The following FBXL13 variants were observed in gnomAD, a reference collection of about 807,000 sequenced individuals.
FBXL13 encodes the protein F-box and leucine-rich repeat protein 13.
FBXL13 carries 67 observed loss-of-function variants against 83.6 expected under a neutral mutation model. The ratio of observed to expected loss-of-function variants is 0.80; its 90% confidence interval spans 0.66 to 0.98. FBXL13 has a LOEUF of 0.98. Among genes scored for constraint, FBXL13 ranks in the 50% least tolerant of loss-of-function variants. FBXL13 has a pLI of 0.00. For missense variants in FBXL13, 822 were observed against 866.5 expected (o/e 0.95, Z 0.64); for synonymous variants, 272 against 299.5 (o/e 0.91, Z 0.95).
intron 8 of FBXL13, among the ~76,000 whole-genome samples, chr7:102,941,423 C>T (rs1022352474): frequency 2.6e-5 from 4 of 152,124 alleles, no homozygotes; most frequent in Non-Finnish European, 5.9e-5. Flanking sequence ...TCCCAAGCCC[C>T]TACCTAGCAA....
intron 1 of FBXL13, among the ~76,000 whole-genome samples, chr7:103,056,059 T>G (rs116692055): frequency 0.019 from 2,922 of 152,270 alleles, 97 homozygotes; most frequent in African/African-American, 0.065. Context: ...TGTCTTTGCA[T>G]CCTCATAGTT....
At chr7:102,974,963 T>C (rs1827251974) in intron 6 of FBXL13, among the ~76,000 whole-genome samples, 1 of 152,136 alleles carries the variant, frequency 6.6e-6, no homozygotes, top group Non-Finnish European at 1.5e-5. Flanking sequence ...CCTTCCTCAC[T>C]GCCCTCTCCT....
rs58307950 is a variant in FBXL13, at chr7:102,826,724, CATATATATATATATATATATATATATAT to C, written c.1855-4549_1855-4522del. On this transcript the variant is annotated intron_variant, in intron 18 of 19. Transcript: ENST00000313221. ...TGGGAGACAGAGTGAGACCCTGTCT[CATATATATATATATATATATATATATAT>C]ATATATATATATATATATATGTATA... Among the ~76,000 whole-genome samples, 273 of 62,738 alleles carry C rather than the reference CATATATATATATATATATATATATATAT, an allele frequency of 4.4e-3. 6 individuals carry two copies. The highest frequency in any genetic ancestry group is 0.011 in the Middle Eastern group (1 of 92). 41.2% of individuals were successfully genotyped at this position (62,738 alleles called of 152,430 possible).
At chr7:102,991,372 T>C (rs944101787) in intron 6 of FBXL13, among the ~76,000 whole-genome samples, 7 of 152,322 alleles carry the variant, frequency 4.6e-5, no homozygotes, top group African/African-American at 1.7e-4. Flanking sequence ...CTTGTGCCTT[T>C]GGAACACCCA....
At chr7:102,944,273 T>G (rs144986071) in intron 8 of FBXL13, 28 of 1,613,414 alleles carry the variant, frequency 1.7e-5, no homozygotes, top group Non-Finnish European at 2.3e-5. Context: ...CTGCAAAACT[T>G]TGACTATGGC....
chr7:103,024,857 A>ATATTT (rs1298384907), intron 6 of FBXL13, among the ~76,000 whole-genome samples: 8 of 62,852 alleles, frequency 1.3e-4, no homozygotes, highest in South Asian at 7.7e-4. Context: ...ATATATATAT[A>ATATTT]TTTTTTTTTT....
intron 1 of FBXL13, among the ~76,000 whole-genome samples, chr7:103,070,163 A>T (rs935846325): frequency 9.2e-5 from 14 of 152,178 alleles, no homozygotes; most frequent in African/African-American, 2.9e-4. Context: ...AATAAGCAAT[A>T]GAAGCAGACC....
intron 4 of FBXL13, 60 bp downstream of exon 5, chr7:103,028,540 G>GT: frequency 1.0e-5 from 13 of 1,283,984 alleles, no homozygotes; most frequent in South Asian, 1.9e-5. Flanking sequence ...TTAACTGTTA[G>GT]TTTTTTTATT....
intron 6 of FBXL13, among the ~76,000 whole-genome samples, chr7:103,013,987 C>G (rs1190265894): frequency 6.6e-6 from 1 of 151,906 alleles, no homozygotes; most frequent in Non-Finnish European, 1.5e-5. Context: ...ACAAAAAACC[C>G]TCAGAGATTA....
At chr7:102,929,278 C>A (rs182542877) in intron 9 of FBXL13, among the ~76,000 whole-genome samples, 4 of 152,070 alleles carry the variant, frequency 2.6e-5, no homozygotes, top group African/African-American at 9.7e-5. Flanking sequence ...AGTTCTAAAA[C>A]GGGAGATACA....
rs796282536 is a variant in FBXL13, at chr7:102,833,471, GC to G, written c.1720-498del. Among the ~76,000 whole-genome samples the G allele has an allele frequency of 2.0e-3, 247 of 125,620 alleles. 1 individual carries two copies. Among genetic ancestry groups the G allele is most frequent in the African/African-American group, 7.0e-3 (228 of 32,702 alleles). The allele number at this position is 125,620 out of a possible 152,430, so 82.4% of individuals were successfully genotyped here. ...TTTTTTTTGAGAGTCTTCCTCTGTTGCCCAGGCTTGGAGTGCAATGGTGCAA... is the reference window on the plus strand; with the variant it reads ...TTTTTTTTGAGAGTCTTCCTCTGTTGCCAGGCTTGGAGTGCAATGGTGCAA... On this transcript the variant is annotated intron_variant, in intron 17 of 19. Coordinates refer to ENST00000313221, the Ensembl canonical transcript of FBXL13.
chr7:103,066,476 C>A (rs1798400819), intron 1 of FBXL13, among the ~76,000 whole-genome samples: 1 of 151,822 alleles, frequency 6.6e-6, no homozygotes. Context: ...ACTGCAAGCT[C>A]TGCCTCCCGG....
chr7:102,916,996 G>GT (rs1427406176), intron 10 of FBXL13, among the ~76,000 whole-genome samples: 4 of 151,998 alleles, frequency 2.6e-5, no homozygotes, highest in Non-Finnish European at 5.9e-5. Context: ...GAATGGAAAA[G>GT]TATGTATTTA....
At chr7:102,837,138 T>A (rs929291965) in intron 17 of FBXL13, among the ~76,000 whole-genome samples, 4 of 152,198 alleles carry the variant, frequency 2.6e-5, no homozygotes, top group Admixed American at 1.3e-4. Context: ...TCCCATGAGA[T>A]GGAGAGCTAC....
chr7:102,976,600 CCT>C (rs1177449215), intron 6 of FBXL13, among the ~76,000 whole-genome samples: 6 of 152,090 alleles, frequency 3.9e-5, no homozygotes, highest in African/African-American at 1.4e-4. Flanking sequence ...AGTTAGCCCC[CCT>C]GTTTGGGGTA....
At chr7:103,014,792 G>A (rs537780475) in intron 6 of FBXL13, among the ~76,000 whole-genome samples, 12 of 151,566 alleles carry the variant, frequency 7.9e-5, no homozygotes, top group South Asian at 2.1e-4. Context: ...GCAAGGTAGC[G>A]GGCGCCTGTA....
intron 16 of FBXL13, among the ~76,000 whole-genome samples, chr7:102,867,691 A>ATTTTTTT (rs1338300455): frequency 1.4e-5 from 1 of 71,620 alleles, no homozygotes; most frequent in African/African-American, 9.1e-5. Context: ...ATATATATAT[A>ATTTTTTT]TATATTTTTT....
intron 17 of FBXL13, among the ~76,000 whole-genome samples, 171 bp from the exon 19 acceptor site, chr7:102,833,145 GCAAAA>G (rs1801021479): frequency 1.3e-5 from 2 of 152,160 alleles, no homozygotes; most frequent in Non-Finnish European, 2.9e-5. Flanking sequence ...TCTGTTTATA[GCAAAA>G]GATATTCACA....
Position 103,017,658 on chromosome 7 carries a change from C to G in FBXL13, c.495+7405G>C, listed in dbSNP as rs373407735. On this transcript the variant is annotated intron_variant, in intron 6 of 19. Transcript: ENST00000313221. ...TCTGATGGAGCTTAAAACCATGACACGAGAAATATGTGACACATGCATAAG... is the reference window on the plus strand; with the variant it reads ...TCTGATGGAGCTTAAAACCATGACAGGAGAAATATGTGACACATGCATAAG... Among the ~76,000 whole-genome samples the G allele has an allele frequency of 5.3e-5, 8 of 151,972 alleles. No individual in the cohort carries two copies. The East Asian group carries it at 1.2e-3, about 22-fold the overall frequency.
Sources: gnomAD v4.1 joint callset for allele counts (sites outside exome capture counted in the v4.1 genomes callset) on GRCh38, gnomAD v4.1.1 for gene constraint, MANE v1.5 for transcripts, NCBI Gene and HGNC (gene_info 2026-07-23, HGNC 2026-07-21) for gene names.